PRPSAP2: variants seen among roughly 807,000 people sequenced by gnomAD.
The protein encoded by PRPSAP2 is phosphoribosyl pyrophosphate synthase-associated protein 2.
PRPSAP2 carries 24 observed loss-of-function variants against 40.6 expected under a neutral mutation model. That is an observed-to-expected ratio of 0.59 (90% CI 0.43 to 0.83). The LOEUF is 0.83. PRPSAP2 is among the 40% of genes least tolerant of loss of function. The pLI is 0.00. For missense variants in PRPSAP2, 292 were observed against 465.6 expected (o/e 0.63, Z 3.43); for synonymous variants, 149 against 164.7 (o/e 0.90, Z 0.73).
At chr17:18,892,724 TGTG>T (rs1597633863) in intron 8 of PRPSAP2, among the ~76,000 whole-genome samples, 1 of 100,582 alleles carries the variant, frequency 9.9e-6, no homozygotes, top group South Asian at 2.7e-4. Flanking sequence ...TGTGTGTGTG[TGTG>T]TATTTATTTA....
At chr17:18,908,101 A>G (rs1446153682) in intron 8 of PRPSAP2, among the ~76,000 whole-genome samples, 3 of 152,146 alleles carry the variant, frequency 2.0e-5, no homozygotes, top group Non-Finnish European at 4.4e-5. Flanking sequence ...ATGTGACCGC[A>G]CTAGCCAAGA....
rs774308662 is a variant in PRPSAP2, at chr17:18,868,745, C to G, written c.172+1411C>G. Among the ~76,000 whole-genome samples the G allele has an allele frequency of 1.0e-4, 14 of 136,900 alleles. No homozygotes were observed. In the South Asian group the frequency reaches 1.1e-3, roughly 11 times the overall value. 89.8% of individuals were successfully genotyped at this position (136,900 alleles called of 152,430 possible). On this transcript the variant is annotated intron_variant, in intron 4 of 11. Transcript: ENST00000268835. ...AACATTTTTTTTTTTTTTGGTAGAA[C>G]AAGGGTCTCATTATGTTGCCCAGGC...
At chr17:18,859,739 A>G (rs1362934465) in intron 1 of PRPSAP2, 2 of 151,790 alleles carry the variant, frequency 1.3e-5, no homozygotes, top group South Asian at 2.1e-4. Context: ...AACATACATA[A>G]TAAGTTTTTT....
intron 7 of PRPSAP2, 87 bp from the exon 8 acceptor site, chr17:18,889,735 A>C: frequency 9.3e-7 from 1 of 1,077,086 alleles, no homozygotes; most frequent in South Asian, 1.8e-5. Context: ...TTTTTGGAAA[A>C]CTTTCAACTA....
chr17:18,876,585 C>T (rs2038315299), intron 5 of PRPSAP2, among the ~76,000 whole-genome samples: 1 of 152,116 alleles, frequency 6.6e-6, no homozygotes, highest in African/African-American at 2.4e-5. Context: ...CAGAGAAAGT[C>T]CTTGTCCTTG....
At chr17:18,882,516 A>G in intron 6 of PRPSAP2, 52 bp from the exon 7 acceptor site, 3 of 1,284,520 alleles carry the variant, frequency 2.3e-6, no homozygotes, top group Non-Finnish European at 3.3e-6. Context: ...ATCTTAAAAA[A>G]AAAAAACAAA....
intron 7 of PRPSAP2, among the ~76,000 whole-genome samples, chr17:18,888,971 CTG>C (rs2039363797): frequency 6.6e-6 from 1 of 152,150 alleles, no homozygotes; most frequent in East Asian, 1.9e-4. Flanking sequence ...TTTCTTGGTT[CTG>C]TCTTTTCTTG....
At chr17:18,893,599 A>T (rs565919418) in intron 8 of PRPSAP2, among the ~76,000 whole-genome samples, 1 of 151,324 alleles carries the variant, frequency 6.6e-6, no homozygotes, top group Non-Finnish European at 1.5e-5. Flanking sequence ...TAAGAAAAAA[A>T]AAAACATTAA....
At chr17:18,914,248 G>GTTTTTTTTTT in intron 9 of PRPSAP2, among the ~76,000 whole-genome samples, 1 of 76,480 alleles carries the variant, frequency 1.3e-5, no homozygotes. Flanking sequence ...ACATGTTTTT[G>GTTTTTTTTTT]CTTTTTTTTT....
chr17:18,913,755 C>G (rs1305748064), intron 9 of PRPSAP2, among the ~76,000 whole-genome samples: 2 of 150,714 alleles, frequency 1.3e-5, no homozygotes, highest in African/African-American at 4.9e-5. Context: ...ACCATGTTGC[C>G]CAGGCTGGTC....
chr17:18,858,002 T>TCC (rs1329773711), upstream of PRPSAP2: 1 of 93,172 alleles, frequency 1.1e-5, no homozygotes, highest in African/African-American at 4.3e-5. Flanking sequence ...CCAGCCCGAC[T>TCC]CCACCCCTGT....
At chr17:18,876,174 A>G (rs1348081210) in intron 5 of PRPSAP2, among the ~76,000 whole-genome samples, 3 of 152,224 alleles carry the variant, frequency 2.0e-5, no homozygotes, top group Non-Finnish European at 2.9e-5. Flanking sequence ...GTTGTCAGAT[A>G]CATCTTATAC....
intron 9 of PRPSAP2, among the ~76,000 whole-genome samples, chr17:18,922,668 A>ATTTTTTTT (rs57263191): frequency 5.6e-5 from 5 of 89,822 alleles, no homozygotes; most frequent in Non-Finnish European, 6.3e-5. Flanking sequence ...TATATATATA[A>ATTTTTTTT]TTTTTTTTTT....
intron 7 of PRPSAP2, among the ~76,000 whole-genome samples, chr17:18,887,276 A>G (rs1358897137): frequency 1.3e-5 from 2 of 151,354 alleles, no homozygotes; most frequent in African/African-American, 4.9e-5. Context: ...AATGAAAAGA[A>G]TCATAGTAAT....
chr17:18,877,791 T>G lies in PRPSAP2; in HGVS notation c.333T>G (p.Phe111Leu), dbSNP rs1342024301. Residue 111 changes from phenylalanine (F) to leucine (L), a missense_variant, in exon 6 of 12, where the codon TTT becomes TTG. By Grantham distance (22) the Phe-to-Leu change is conservative. Around this residue, in one of 2 missense-constraint regions of PRPSAP2, gnomAD observed 241 missense variants for 425.7 expected, o/e 0.57. Coordinates refer to ENST00000268835, the MANE Select transcript of PRPSAP2 (RefSeq NM_002767.4). ...AKSIIGVIPY[F>L]PYSKQCKMRK... Reference sequence around the variant, plus strand: ...GCATCATTGGCGTGATACCCTACTTTCCTTACAGCAAGCAGTGCAAGATGA... The same window carrying G: ...GCATCATTGGCGTGATACCCTACTTGCCTTACAGCAAGCAGTGCAAGATGA... The G allele has an allele frequency of 1.2e-6, 2 of 1,613,916 alleles. No individual in the cohort carries two copies. Among genetic ancestry groups the G allele is most frequent in the South Asian group, 2.2e-5 (2 of 91,076 alleles).
intron 5 of PRPSAP2, among the ~76,000 whole-genome samples, chr17:18,876,605 T>C (rs978968602): frequency 6.6e-6 from 1 of 152,234 alleles, no homozygotes; most frequent in African/African-American, 2.4e-5. Flanking sequence ...GTGGAGTTTA[T>C]ATTCCAGTGG....
intron 1 of PRPSAP2, among the ~76,000 whole-genome samples, chr17:18,863,391 A>T (rs532084575): frequency 6.1e-4 from 92 of 151,894 alleles, no homozygotes; most frequent in African/African-American, 2.0e-3. Context: ...GTGCCTGGCC[A>T]TACCTTTTGT....
At chr17:18,912,717 T>A (rs981473165) in intron 9 of PRPSAP2, among the ~76,000 whole-genome samples, 6 of 152,112 alleles carry the variant, frequency 3.9e-5, no homozygotes, top group South Asian at 2.1e-4. Flanking sequence ...GGGACAGACA[T>A]TGGATAGACA....
chr17:18,897,879 AAT>A (rs1689279548), intron 8 of PRPSAP2, among the ~76,000 whole-genome samples: 1 of 152,284 alleles, frequency 6.6e-6, no homozygotes, highest in African/African-American at 2.4e-5. Context: ...GCCTGAGTGA[AAT>A]ATAGAAGTCA....
Sources: allele counts gnomAD v4.1 joint callset (sites outside exome capture counted in the v4.1 genomes callset), GRCh38; gene constraint gnomAD v4.1.1; regional missense constraint gnomAD v4.1.1; transcripts MANE v1.5; gene names NCBI Gene and HGNC (gene_info 2026-07-23, HGNC 2026-07-21).